KIAA0825: variants seen among roughly 807,000 people sequenced by gnomAD.
The protein encoded by KIAA0825 is uncharacterized protein KIAA0825.
In KIAA0825, 119 loss-of-function variants were observed where a neutral mutation model predicts 147.6. That is an observed-to-expected ratio of 0.81 (90% CI 0.69 to 0.94). The LOEUF is 0.94. Among genes scored for constraint, KIAA0825 ranks in the 40% least tolerant of loss-of-function variants. The probability of loss-of-function intolerance (pLI) is 0.00; values close to 1 mark genes in which losing one functional copy is unlikely to be tolerated. For missense variants in KIAA0825, 1,381 were observed against 1,472.7 expected (o/e 0.94, Z 1.02); for synonymous variants, 470 against 518.1 (o/e 0.91, Z 1.26).
intron 20 of KIAA0825, among the ~76,000 whole-genome samples, chr5:94,225,204 C>T (rs1774051517): frequency 6.6e-6 from 1 of 151,970 alleles, no homozygotes; most frequent in South Asian, 2.1e-4. Flanking sequence ...ACAAGGAGTT[C>T]CATTACATTA....
At chr5:94,446,845 G>C (rs1464336857) in intron 13 of KIAA0825, among the ~76,000 whole-genome samples, 1 of 152,154 alleles carries the variant, frequency 6.6e-6, no homozygotes, top group Non-Finnish European at 1.5e-5. Context: ...AAGTCAACAT[G>C]TACACAGGAA....
At chr5:94,231,008 A>G (rs762982406) in intron 20 of KIAA0825, among the ~76,000 whole-genome samples, 16 of 152,174 alleles carry the variant, frequency 1.1e-4, no homozygotes, top group African/African-American at 3.9e-4. Context: ...AGATGGGCCA[A>G]TGAAAAACCT....
At chr5:94,551,385 G>A (rs1303147677) in intron 2 of KIAA0825, among the ~76,000 whole-genome samples, 1 of 152,020 alleles carries the variant, frequency 6.6e-6, no homozygotes, top group Non-Finnish European at 1.5e-5. Context: ...AAAAGTTTCA[G>A]TTCAAACAGA....
At chr5:94,608,476 T>C (rs28867815) in intron 1 of KIAA0825, among the ~76,000 whole-genome samples, 1 of 27,362 alleles carries the variant, frequency 3.7e-5, no homozygotes, top group Non-Finnish European at 6.0e-5. Context: ...ATATATATAA[T>C]ATATATATAT....
chr5:94,269,373 C>T (rs968004239), intron 20 of KIAA0825, among the ~76,000 whole-genome samples: 2 of 151,946 alleles, frequency 1.3e-5, no homozygotes, highest in African/African-American at 4.8e-5. Flanking sequence ...GAGAAGACCA[C>T]AAAATAACCA....
At chr5:94,330,448 AT>A (rs1781153098) in intron 20 of KIAA0825, among the ~76,000 whole-genome samples, 1 of 152,234 alleles carries the variant, frequency 6.6e-6, no homozygotes, top group South Asian at 2.1e-4. Flanking sequence ...GTACTCAAAT[AT>A]TAAAAATGTA....
At position 94,258,659 on chromosome 5, in the gene KIAA0825, T is replaced by C. The variant is rs147233327; in HGVS notation, c.3711-104535A>G. 1.6e-3 allele frequency among the ~76,000 whole-genome samples: 240 copies of C among 152,142 alleles called. 1 individual carries two copies. In the Middle Eastern group the frequency reaches 0.017, roughly 11 times the overall value. On this transcript the variant is annotated intron_variant, in intron 20 of 20. Coordinates refer to ENST00000682413, the MANE Select transcript of KIAA0825 (RefSeq NM_001145678.3). ...TAACTCTACTAACAAATACTGATGT[T>C]TCAGAAACAAAAGTATATGATTTCA... is the stretch of plus-strand genomic sequence containing the variant.
intron 20 of KIAA0825, among the ~76,000 whole-genome samples, chr5:94,356,627 CA>C (rs963951372): frequency 1.4e-5 from 2 of 147,578 alleles, no homozygotes; most frequent in South Asian, 2.1e-4. Context: ...AACAAAAAGA[CA>C]AAAAAAACAC....
intron 20 of KIAA0825, among the ~76,000 whole-genome samples, chr5:94,160,417 T>A (rs1767446787): frequency 2.0e-5 from 3 of 150,082 alleles, no homozygotes; most frequent in Admixed American, 1.3e-4. Flanking sequence ...GTATACAGTA[T>A]ACATATGTAT....
chr5:94,398,482 T>C (rs1750964259), intron 16 of KIAA0825, among the ~76,000 whole-genome samples: 1 of 152,204 alleles, frequency 6.6e-6, no homozygotes, highest in Non-Finnish European at 1.5e-5. Flanking sequence ...GTCTTCATGG[T>C]TCACAAATAA....
At chr5:94,294,731 G>C (rs1210399301) in intron 20 of KIAA0825, among the ~76,000 whole-genome samples, 3 of 152,130 alleles carry the variant, frequency 2.0e-5, no homozygotes, top group Admixed American at 6.6e-5. Context: ...AAATAAAAAA[G>C]AATGTTGAAT....
chr5:94,421,161 T>C (rs1395746950), intron 14 of KIAA0825, among the ~76,000 whole-genome samples: 1 of 152,198 alleles, frequency 6.6e-6, no homozygotes. Context: ...GGTCTGTGTC[T>C]TAACTACTCA....
intron 20 of KIAA0825, among the ~76,000 whole-genome samples, chr5:94,367,267 C>T (rs1027898029): frequency 1.2e-4 from 19 of 152,070 alleles, no homozygotes; most frequent in Non-Finnish European, 2.2e-4. Context: ...GAGGCTGAGG[C>T]GGGTGGATCA....
intron 3 of KIAA0825, among the ~76,000 whole-genome samples, chr5:94,533,839 C>G (rs1057116894): frequency 6.6e-6 from 1 of 152,114 alleles, no homozygotes; most frequent in Non-Finnish European, 1.5e-5. Context: ...TGAATGGAAA[C>G]GAGAATGTAA....
intron 20 of KIAA0825, among the ~76,000 whole-genome samples, chr5:94,374,596 T>G (rs1391433865): frequency 1.3e-5 from 2 of 152,182 alleles, no homozygotes; most frequent in African/African-American, 2.4e-5. Context: ...TTATAGCCAG[T>G]GTCTGAGCAA....
intron 2 of KIAA0825, among the ~76,000 whole-genome samples, chr5:94,558,913 T>A (rs1017201959): frequency 6.6e-5 from 10 of 152,246 alleles, no homozygotes; most frequent in African/African-American, 2.4e-4. Flanking sequence ...CAGATCTTGC[T>A]AAATTCCACC....
chr5:94,284,786 C>T (rs1472333231), intron 20 of KIAA0825, among the ~76,000 whole-genome samples: 1 of 152,106 alleles, frequency 6.6e-6, no homozygotes, highest in African/African-American at 2.4e-5. Context: ...ACCCTCTGTG[C>T]AGCATCCTTT....
chr5:94,277,624 T>C (rs919028701), intron 20 of KIAA0825, among the ~76,000 whole-genome samples: 1 of 152,138 alleles, frequency 6.6e-6, no homozygotes, highest in Non-Finnish European at 1.5e-5. Context: ...CTGGAGAGGA[T>C]GTGGAGAAAT....
intron 20 of KIAA0825, among the ~76,000 whole-genome samples, chr5:94,235,246 A>T (rs538264942): frequency 6.6e-6 from 1 of 152,230 alleles, no homozygotes; most frequent in Non-Finnish European, 1.5e-5. Flanking sequence ...TTTTAAAGGA[A>T]ATTAAAAGTG....
Sources: allele counts gnomAD v4.1 joint callset (sites outside exome capture counted in the v4.1 genomes callset), GRCh38; gene constraint gnomAD v4.1.1; transcripts MANE v1.5; gene names NCBI Gene and HGNC (gene_info 2026-07-23, HGNC 2026-07-21).